Variants in MEGF10 observed in about 807,000 individuals in gnomAD.
MEGF10 encodes the protein multiple EGF like domains 10.
MEGF10 carries 86 observed loss-of-function variants against 147.5 expected under a neutral mutation model. The observed-to-expected ratio is 0.58, with a 90% CI of 0.49 to 0.70. The LOEUF (loss-of-function observed/expected upper bound fraction) is 0.70, where lower values mean the gene tolerates loss of function less well. Among genes scored for constraint, MEGF10 ranks in the 30% least tolerant of loss-of-function variants. The pLI is 0.00. For missense variants in MEGF10, 1,329 were observed against 1,487.3 expected (o/e 0.89, Z 1.75); for synonymous variants, 478 against 525.5 (o/e 0.91, Z 1.24).
At chr5:127,347,473 C>G (rs1271690384) in intron 4 of MEGF10, among the ~76,000 whole-genome samples, 2 of 151,862 alleles carry the variant, frequency 1.3e-5, no homozygotes, top group African/African-American at 2.4e-5. Context: ...TAGAGTTAAC[C>G]AACACTTTTT....
chr5:127,291,843 T>C (rs979810251), intron 1 of MEGF10, among the ~76,000 whole-genome samples: 1 of 152,246 alleles, frequency 6.6e-6, no homozygotes, highest in African/African-American at 2.4e-5. Flanking sequence ...ATATCTTTGC[T>C]GCTTCTTTAG....
the MEGF10 span, among the ~76,000 whole-genome samples, chr5:127,271,518 C>G: frequency 6.6e-6 from 1 of 151,784 alleles, no homozygotes; most frequent in African/African-American, 2.4e-5. Flanking sequence ...TTTGTTTACT[C>G]TGTTTGATAT....
At chr5:127,435,608 A>G (rs1765528786) in intron 16 of MEGF10, 119 bp downstream of exon 16, 2 of 989,736 alleles carry the variant, frequency 2.0e-6, no homozygotes, top group South Asian at 5.0e-5. Context: ...TAATTAAAAG[A>G]CACATTCTAC....
chr5:127,422,674 G>T lies in MEGF10; in HGVS notation c.1595G>T (p.Gly532Val), dbSNP rs767389086. The T allele has an allele frequency of 6.2e-7, 1 of 1,613,802 alleles. No individual in the cohort carries two copies. The change falls in exon 13 of 25, where the codon GGC becomes GTC. Residue 532 changes from glycine (G) to valine (V), a missense_variant. Gly to Val is a moderately radical substitution (Grantham distance 109, BLOSUM62 -3). Around this residue, in one of 3 missense-constraint regions of MEGF10, gnomAD observed 980 missense variants for 1,085.9 expected, o/e 0.90. Transcript: ENST00000503335. Reference sequence around the variant, plus strand: ...TTGATGCTGTTTTCCATGCAGGATGGCACGTACGGGCTGAACTGTGCTGAG... The same window carrying T: ...TTGATGCTGTTTTCCATGCAGGATGTCACGTACGGGCTGAACTGTGCTGAG... ...GEKCELPCQDGTYGLNCAERC... is the reference protein window; with the variant it reads ...GEKCELPCQDVTYGLNCAERC...
chr5:127,305,506 C>T (rs1343997040), intron 1 of MEGF10, among the ~76,000 whole-genome samples: 1 of 152,130 alleles, frequency 6.6e-6, no homozygotes, highest in East Asian at 1.9e-4. Context: ...TGAACCCAGC[C>T]AAGGATTCAG....
At chr5:127,297,056 T>C (rs1561554228) in intron 1 of MEGF10, among the ~76,000 whole-genome samples, 1 of 152,192 alleles carries the variant, frequency 6.6e-6, no homozygotes, top group East Asian at 1.9e-4. Flanking sequence ...AACCTCCGCC[T>C]CTGGGGTTCA....
At chr5:127,348,693 C>T (rs1376511645) in intron 4 of MEGF10, among the ~76,000 whole-genome samples, 1 of 152,168 alleles carries the variant, frequency 6.6e-6, no homozygotes, top group African/African-American at 2.4e-5. Context: ...CAAAATTCAG[C>T]TGGCAGATGT....
At position 127,460,472 on chromosome 5, in the gene MEGF10, C is replaced by A. The variant is rs984726385; in HGVS notation, c.*3154C>A. 3 of 152,016 alleles carry A rather than the reference C, an allele frequency of 2.0e-5. No individual in the cohort carries two copies. Among genetic ancestry groups the A allele is most frequent in the African/African-American group, 7.2e-5 (3 of 41,408 alleles). 9.4% of individuals were successfully genotyped at this position (152,016 alleles called of 1,614,324 possible). A position where few individuals can be genotyped will look rare whatever the true frequency, so the allele number is the denominator to read the frequency against. Reference sequence around the variant, plus strand: ...TTATATTCACCAATTTCAGGAAAACCAACCATAGAACTTTATAATAGGACA... The same window carrying A: ...TTATATTCACCAATTTCAGGAAAACAAACCATAGAACTTTATAATAGGACA... On this transcript the variant is annotated 3_prime_UTR_variant, in exon 25 of 25. Coordinates refer to ENST00000503335, the MANE Select transcript of MEGF10 (RefSeq NM_001256545.2).
chr5:127,366,426 T>C (rs1291564619), intron 4 of MEGF10, among the ~76,000 whole-genome samples: 1 of 152,226 alleles, frequency 6.6e-6, no homozygotes, highest in Non-Finnish European at 1.5e-5. Context: ...TTTTGTGTTC[T>C]TTCCTTTTAG....
At chr5:127,454,958 T>G (rs544397624) in intron 23 of MEGF10, among the ~76,000 whole-genome samples, 12 of 152,180 alleles carry the variant, frequency 7.9e-5, no homozygotes, top group Non-Finnish European at 1.8e-4. Context: ...GACCAAGTTC[T>G]GCTGTTCAGG....
chr5:127,243,450 T>A, the MEGF10 span, among the ~76,000 whole-genome samples: 3 of 152,222 alleles, frequency 2.0e-5, no homozygotes. Context: ...AACTTTCCTA[T>A]TTCTCTGTAA....
intron 9 of MEGF10, 52 bp downstream of exon 9, chr5:127,410,653 G>T (rs1230576738): frequency 1.3e-6 from 2 of 1,483,966 alleles, no homozygotes; most frequent in East Asian, 2.5e-5. Flanking sequence ...TTTTAACCTT[G>T]GTTTTCAGGA....
At chr5:127,296,061 C>T (rs1481819393) in intron 1 of MEGF10, among the ~76,000 whole-genome samples, 1 of 152,140 alleles carries the variant, frequency 6.6e-6, no homozygotes, top group Admixed American at 6.5e-5. Context: ...TACCATTTTG[C>T]ATTATTGTTC....
At chr5:127,322,622 G>A (rs879484649) in intron 1 of MEGF10, among the ~76,000 whole-genome samples, 3 of 152,152 alleles carry the variant, frequency 2.0e-5, no homozygotes, top group Non-Finnish European at 4.4e-5. Flanking sequence ...GGGTAAACAT[G>A]GCCTTCACCA....
chr5:127,417,615 T>C lies in MEGF10; in HGVS notation c.1131-23T>C, dbSNP rs760692275. 3.1e-6 allele frequency: 5 copies of C among 1,613,886 alleles called. No homozygotes were observed. In the East Asian group the frequency reaches 8.9e-5, roughly 29 times the overall value. On this transcript the variant is annotated intron_variant, in intron 9 of 24. Coordinates refer to ENST00000503335, the MANE Select transcript of MEGF10 (RefSeq NM_001256545.2). Reference sequence around the variant, plus strand: ...GTCATGTTTACCCCAAAGTGACTTATTCCTTTCATCCATGTCTCTCAGCTG... The same window carrying C: ...GTCATGTTTACCCCAAAGTGACTTACTCCTTTCATCCATGTCTCTCAGCTG...
chr5:127,428,858 G>C (rs1055411579), intron 13 of MEGF10, among the ~76,000 whole-genome samples: 6 of 152,228 alleles, frequency 3.9e-5, no homozygotes, highest in African/African-American at 1.4e-4. Flanking sequence ...CAAATGCCCA[G>C]TGAATGCTGA....
chr5:127,402,516 A>G, intron 7 of MEGF10, 30 bp from the exon 8 acceptor site: 8 of 1,599,454 alleles, frequency 5.0e-6, no homozygotes, highest in Non-Finnish European at 6.8e-6. Context: ...CTGGAGGCCC[A>G]TCTAATTTTC....
At chr5:127,290,089 G>T (rs1211268597), upstream of MEGF10, among the ~76,000 whole-genome samples, 1 of 152,140 alleles carries the variant, frequency 6.6e-6, no homozygotes, top group African/African-American at 2.4e-5. Flanking sequence ...GCCTCCCGGG[G>T]CCTCCTCGGC....
chr5:127,417,379 A>T (rs1764816774), intron 9 of MEGF10, among the ~76,000 whole-genome samples: 1 of 152,222 alleles, frequency 6.6e-6, no homozygotes. Flanking sequence ...AATTAAAAAG[A>T]ATTTCAGACA....
Sources: gnomAD v4.1 joint callset for allele counts (sites outside exome capture counted in the v4.1 genomes callset) on GRCh38, gnomAD v4.1.1 for gene constraint, gnomAD v4.1.1 regional missense constraint, MANE v1.5 for transcripts, NCBI Gene and HGNC (gene_info 2026-07-23, HGNC 2026-07-21) for gene names.